The following PTPN5 variants were observed in gnomAD, a reference collection of about 807,000 sequenced individuals.
PTPN5 encodes the protein protein tyrosine phosphatase non-receptor type 5, also known as tyrosine-protein phosphatase non-receptor type 5.
In PTPN5, 29 loss-of-function variants were observed where a neutral mutation model predicts 73.9. That is an observed-to-expected ratio of 0.39 (90% CI 0.29 to 0.54). The LOEUF is 0.54. Ranked by LOEUF, PTPN5 falls within the 20% of genes least tolerant of loss-of-function variation. The pLI, the probability that PTPN5 is intolerant of heterozygous loss-of-function variation, is 0.65. For missense variants in PTPN5, 652 were observed against 751.4 expected, an observed-to-expected ratio of 0.87 and a Z score of 1.55; for synonymous variants, 267 against 304.7, an observed-to-expected ratio of 0.88 and a Z score of 1.29.
intron 3 of PTPN5, among the ~76,000 whole-genome samples, chr11:18,759,685 A>C (rs1049520767): frequency 6.6e-6 from 1 of 152,234 alleles, no homozygotes; most frequent in Non-Finnish European, 1.5e-5. Context: ...AAATATCTCT[A>C]AATGTATTTG....
chr11:18,729,165 T>C lies in PTPN5; in HGVS notation c.1605-138A>G, dbSNP rs1291539706. On this transcript the variant is annotated intron_variant, in intron 14 of 14. Coordinates refer to ENST00000358540, the MANE Select transcript of PTPN5 (RefSeq NM_006906.2). The surrounding 1 kb of genome is among the most constrained non-coding windows in gnomAD (Gnocchi z 5.2). ...TGGAGAGACCAACCCTTGCCAACCA[T>C]TACCCTCTGCCCCTTCCTATCAGGG... The C allele has an allele frequency of 7.7e-6, 6 of 775,772 alleles. No homozygotes were observed. Among genetic ancestry groups the C allele is most frequent in the Non-Finnish European group, 1.3e-5 (6 of 477,762 alleles). 48.1% of individuals were successfully genotyped at this position (775,772 alleles called of 1,614,324 possible).
At chr11:18,785,709 G>A (rs1028382483) in intron 1 of PTPN5, among the ~76,000 whole-genome samples, 2 of 152,288 alleles carry the variant, frequency 1.3e-5, no homozygotes, top group Admixed American at 1.3e-4. Context: ...TGGGAGGCGA[G>A]GGGCTGTTTC....
intron 3 of PTPN5, among the ~76,000 whole-genome samples, chr11:18,757,133 A>G (rs1364393047): frequency 6.6e-6 from 1 of 152,198 alleles, no homozygotes; most frequent in Non-Finnish European, 1.5e-5. Flanking sequence ...ATCCGACAAT[A>G]AGAAACCATA....
intron 1 of PTPN5, among the ~76,000 whole-genome samples, chr11:18,788,784 G>A (rs1170615051): frequency 6.6e-6 from 1 of 152,180 alleles, no homozygotes; most frequent in African/African-American, 2.4e-5. Flanking sequence ...CTAGCTCTCT[G>A]GATCTGAGAC....
Position 18,733,117 on chromosome 11 carries a change from G to T in PTPN5, c.1218+118C>A. On this transcript the variant is annotated intron_variant, in intron 11 of 14. Transcript: ENST00000358540. This position sits in a 1 kb window ranked among gnomAD's most constrained non-coding sequence, Gnocchi z 4.3. ...ACCGAGCCTCACATCTCCTCATCTT[G>T]GCAGCGGAGTGAACACCGCCGACCT... The T allele has an allele frequency of 7.0e-7, 1 of 1,426,628 alleles. No homozygotes were observed. Among genetic ancestry groups the T allele is most frequent in the Non-Finnish European group, 9.5e-7 (1 of 1,050,372 alleles). 88.4% of individuals were successfully genotyped at this position (1,426,628 alleles called of 1,614,324 possible). A position where few individuals can be genotyped will look rare whatever the true frequency, so the allele number is the denominator to read the frequency against.
At chr11:18,764,687 A>G (rs2134295502) in intron 3 of PTPN5, among the ~76,000 whole-genome samples, 1 of 151,950 alleles carries the variant, frequency 6.6e-6, no homozygotes, top group African/African-American at 2.4e-5. Context: ...GTTAGAGTTC[A>G]AAAGACTTGT....
chr11:18,772,737 A>C (rs929559571), intron 1 of PTPN5, among the ~76,000 whole-genome samples: 6 of 152,148 alleles, frequency 3.9e-5, no homozygotes, highest in African/African-American at 1.4e-4. Flanking sequence ...CATTTGTTCA[A>C]CCCGTTTACT....
chr11:18,789,783 G>A (rs1851829514), intron 1 of PTPN5, among the ~76,000 whole-genome samples: 1 of 152,154 alleles, frequency 6.6e-6, no homozygotes, highest in African/African-American at 2.4e-5. Flanking sequence ...ATGGACTTTG[G>A]GGACTTGGGG....
Position 18,733,098 on chromosome 11 carries a change from C to T in PTPN5, c.1218+137G>A, listed in dbSNP as rs1455279268. 3.8e-6 allele frequency: 5 copies of T among 1,317,490 alleles called. No homozygotes were observed. The highest frequency in any genetic ancestry group is 5.2e-6 in the Non-Finnish European group (5 of 961,014). 81.6% of individuals were successfully genotyped at this position (1,317,490 alleles called of 1,614,324 possible). A position where few individuals can be genotyped will look rare whatever the true frequency, so the allele number is the denominator to read the frequency against. ...GGGCAAATGACTTAACCTTACCGAG[C>T]CTCACATCTCCTCATCTTGGCAGCG... On this transcript the variant is annotated intron_variant, in intron 11 of 14. Coordinates refer to ENST00000358540, the MANE Select transcript of PTPN5 (RefSeq NM_006906.2). The surrounding 1 kb of genome is among the most constrained non-coding windows in gnomAD (Gnocchi z 4.3).
intron 1 of PTPN5, among the ~76,000 whole-genome samples, chr11:18,782,813 C>T (rs1306042259): frequency 1.3e-5 from 2 of 152,174 alleles, no homozygotes; most frequent in African/African-American, 2.4e-5. Flanking sequence ...GTTATAATGA[C>T]TGAAGGGTGC....
At position 18,733,809 on chromosome 11, in the gene PTPN5, C is replaced by T. The variant is rs1848999605; in HGVS notation, c.1001-174G>A. Among the ~76,000 whole-genome samples, 1 of 152,224 alleles carries T rather than the reference C, an allele frequency of 6.6e-6. No homozygotes were observed. The highest frequency in any genetic ancestry group is 6.5e-5 in the Admixed American group (1 of 15,288). On this transcript the variant is annotated intron_variant, in intron 9 of 14. Transcript: ENST00000358540. The surrounding 1 kb of genome is among the most constrained non-coding windows in gnomAD (Gnocchi z 4.3). ...ATGGTTCATTTTGTAGGTGAGGACT[C>T]AGGATGAGGAGGAGGGTGGAGAGAG...
chr11:18,775,739 G>T (rs1238137918), intron 1 of PTPN5, among the ~76,000 whole-genome samples: 1 of 152,146 alleles, frequency 6.6e-6, no homozygotes, highest in Non-Finnish European at 1.5e-5. Flanking sequence ...CTGAATCTCA[G>T]TAGCTCCAAA....
chr11:18,744,217 T>C lies in PTPN5; in HGVS notation c.98-18A>G. 3 of 1,508,514 alleles carry C rather than the reference T, an allele frequency of 2.0e-6. No homozygotes were observed. Among genetic ancestry groups the C allele is most frequent in the African/African-American group, 1.4e-5 (1 of 69,804 alleles). 93.4% of individuals were successfully genotyped at this position (1,508,514 alleles called of 1,614,324 possible). A position where few individuals can be genotyped will look rare whatever the true frequency, so the allele number is the denominator to read the frequency against. On this transcript the variant is annotated intron_variant, in intron 3 of 14. Coordinates refer to ENST00000358540, the MANE Select transcript of PTPN5 (RefSeq NM_006906.2). ...GGGGAGACCTGTGGAAGATGGGCCA[T>C]GCGGGCCGATGACTCCGGCCCTGTC...
intron 1 of PTPN5, among the ~76,000 whole-genome samples, chr11:18,779,627 C>A (rs547344155): frequency 6.6e-6 from 1 of 152,196 alleles, no homozygotes; most frequent in South Asian, 2.1e-4. Flanking sequence ...TGGTCCTGGG[C>A]CAAGGATGGC....
chr11:18,783,253 T>C (rs1564933717), intron 1 of PTPN5, among the ~76,000 whole-genome samples: 1 of 152,196 alleles, frequency 6.6e-6, no homozygotes, highest in Non-Finnish European at 1.5e-5. Context: ...GCAAGGATGA[T>C]AGAAGTGATC....
chr11:18,774,862 G>A (rs1480760724), intron 1 of PTPN5, among the ~76,000 whole-genome samples: 1 of 152,196 alleles, frequency 6.6e-6, no homozygotes, highest in Non-Finnish European at 1.5e-5. Context: ...GAGGATGGAA[G>A]GGAACAGGAG....
At chr11:18,739,592 T>A (rs1231077770) in intron 8 of PTPN5, among the ~76,000 whole-genome samples, 4 of 152,144 alleles carry the variant, frequency 2.6e-5, no homozygotes, top group Non-Finnish European at 4.4e-5. Flanking sequence ...CAGATGATGA[T>A]GGAGGTCTTC....
rs989798634 is a variant in PTPN5 at position 18,774,520 on chromosome 11, A to C, written c.-113-2449T>G. Reference sequence around the variant, plus strand: ...AGCTTCCCCCTGTACTCTGAGGAGGAGGGGGCTGGAGGGGGCTTGAGGAGC... The same window carrying C: ...AGCTTCCCCCTGTACTCTGAGGAGGCGGGGGCTGGAGGGGGCTTGAGGAGC... On this transcript the variant is annotated intron_variant, in intron 1 of 14. Transcript: ENST00000358540. Among the ~76,000 whole-genome samples, 4 of 152,300 alleles carry C rather than the reference A, an allele frequency of 2.6e-5. No homozygotes were observed. The South Asian group carries it at 8.3e-4, about 32-fold the overall frequency.
At chr11:18,779,387 GA>G (rs1057124578) in intron 1 of PTPN5, among the ~76,000 whole-genome samples, 6 of 152,058 alleles carry the variant, frequency 3.9e-5, no homozygotes, top group African/African-American at 1.5e-4. Flanking sequence ...TGTAAACTAG[GA>G]AAAAATCCCA....
Sources: gnomAD v4.1 joint callset for allele counts (sites outside exome capture counted in the v4.1 genomes callset) on GRCh38, gnomAD v4.1.1 for gene constraint, Gnocchi (gnomAD v3.1) non-coding constraint, MANE v1.5 for transcripts, NCBI Gene and HGNC (gene_info 2026-07-23, HGNC 2026-07-21) for gene names.